IFNAR1: variants seen among roughly 807,000 people sequenced by gnomAD.
The protein encoded by IFNAR1 is interferon alpha/beta receptor 1.
In IFNAR1, 47 loss-of-function variants were observed where a neutral mutation model predicts 62.1. The ratio of observed to expected loss-of-function variants is 0.76; its 90% CI spans 0.60 to 0.97. The LOEUF (loss-of-function observed/expected upper bound fraction) is 0.97. Among genes scored for constraint, IFNAR1 ranks in the 50% least tolerant of loss-of-function variants. The pLI, the probability that IFNAR1 is intolerant of heterozygous loss-of-function variation, is 0.00. For synonymous variants in IFNAR1, 219 were observed against 226.9 expected (o/e 0.97, Z 0.31); for missense variants, 638 against 654.5 (o/e 0.97, Z 0.27).
intron 1 of IFNAR1, among the ~76,000 whole-genome samples, chr21:33,332,780 A>G (rs1006668598): frequency 6.6e-6 from 1 of 152,236 alleles, no homozygotes; most frequent in Non-Finnish European, 1.5e-5. Context: ...AGAAGAAAGA[A>G]TCTCTGAACT....
chr21:33,344,765 C>T (rs80084584), intron 5 of IFNAR1, among the ~76,000 whole-genome samples: 16 of 122,112 alleles, frequency 1.3e-4, no homozygotes, highest in Middle Eastern at 4.1e-3. Flanking sequence ...TTCTTTTTTA[C>T]TTATTTATTT....
chr21:33,359,196 G>A lies in IFNAR1; in HGVS notation c.*3647G>A, dbSNP rs1216245657. The A allele has an allele frequency of 1.3e-5, 2 of 152,154 alleles. No homozygotes were observed. Among genetic ancestry groups the A allele is most frequent in the African/African-American group, 4.8e-5 (2 of 41,444 alleles). 9.4% of individuals were successfully genotyped at this position (152,154 alleles called of 1,614,324 possible). On this transcript the variant is annotated 3_prime_UTR_variant, in exon 11 of 11. Transcript: ENST00000270139. Reference sequence around the variant, plus strand: ...TACTGAATTGTAGAAGGACATAACCGTGTTTTCAGTGTTTCTATGGAACAA... The same window carrying A: ...TACTGAATTGTAGAAGGACATAACCATGTTTTCAGTGTTTCTATGGAACAA...
intron 1 of IFNAR1, among the ~76,000 whole-genome samples, chr21:33,334,118 G>A (rs528010885): frequency 1.3e-5 from 2 of 152,182 alleles, no homozygotes; most frequent in East Asian, 3.9e-4. Context: ...GACCAATTCA[G>A]CAAGAGGATA....
At chr21:33,351,555 T>TA (rs892553946) in intron 8 of IFNAR1, among the ~76,000 whole-genome samples, 18 of 149,354 alleles carry the variant, frequency 1.2e-4, no homozygotes, top group African/African-American at 4.0e-4. Flanking sequence ...TTATTTTATT[T>TA]TTTTTTTTTT....
At chr21:33,355,233 G>A (rs2083435821) in intron 10 of IFNAR1, 83 bp from the exon 11 acceptor site, 2 of 711,906 alleles carry the variant, frequency 2.8e-6, no homozygotes, top group Non-Finnish European at 4.6e-6. Context: ...ATGGATGTAA[G>A]AAACTAAAGC....
At position 33,343,388 on chromosome 21, in the gene IFNAR1, GC is replaced by G. The variant is rs2083312903; in HGVS notation, c.498del (p.Leu167Ter). On this transcript the variant is annotated frameshift_variant, in exon 4 of 11. Coordinates refer to ENST00000270139, the MANE Select transcript of IFNAR1 (RefSeq NM_000629.3). LOFTEE classifies it high-confidence loss of function. ...WALDGLSFTY[S>X]LVIWKNSSGV... Reference sequence around the variant, plus strand: ...TTGGATGGTTTAAGCTTTACATATAGCTTAGTTATCTGGAAAAACTCTTCAG... The same window carrying G: ...TTGGATGGTTTAAGCTTTACATATAGTTAGTTATCTGGAAAAACTCTTCAG... 1.9e-6 allele frequency: 3 copies of G among 1,612,952 alleles called. No homozygotes were observed. The Admixed American group carries it at 5.0e-5, about 27-fold the overall frequency.
chr21:33,324,731 C>A, upstream of IFNAR1: 1 of 393,708 alleles, frequency 2.5e-6, no homozygotes, highest in South Asian at 3.5e-5. Flanking sequence ...GGCCATAGGC[C>A]GGAAAGAGTG....
At chr21:33,337,740 A>C (rs1332789886) in intron 2 of IFNAR1, among the ~76,000 whole-genome samples, 1 of 152,256 alleles carries the variant, frequency 6.6e-6, no homozygotes, top group East Asian at 1.9e-4. Context: ...CACATTGTGT[A>C]TACATACATA....
chr21:33,342,688 C>CA (rs757422966), intron 3 of IFNAR1, among the ~76,000 whole-genome samples: 30,148 of 93,492 alleles, frequency 0.32, 3,974 homozygotes, highest in East Asian at 0.46. Context: ...ACTAAAAATA[C>CA]AAAAAAAAAA....
intron 10 of IFNAR1, among the ~76,000 whole-genome samples, chr21:33,354,790 C>A (rs930856583): frequency 4.6e-5 from 7 of 152,078 alleles, no homozygotes; most frequent in Non-Finnish European, 1.0e-4. Flanking sequence ...ACCATAAGAA[C>A]CTTACCACTC....
At chr21:33,341,477 T>A (rs920549724) in intron 3 of IFNAR1, among the ~76,000 whole-genome samples, 1 of 152,122 alleles carries the variant, frequency 6.6e-6, no homozygotes, top group Admixed American at 6.6e-5. Flanking sequence ...CACAGTGGAG[T>A]TTTCCAGAGG....
At chr21:33,341,211 T>C in intron 3 of IFNAR1, 37 bp downstream of exon 3, 1 of 1,505,214 alleles carries the variant, frequency 6.6e-7, no homozygotes, top group East Asian at 2.3e-5. Flanking sequence ...TATTCTTTAG[T>C]AAATATTACC....
chr21:33,352,999 T>C, intron 9 of IFNAR1, 91 bp downstream of exon 9: 2 of 810,702 alleles, frequency 2.5e-6, no homozygotes, highest in Admixed American at 6.1e-5. Context: ...AAACATTTTC[T>C]CTTTACTGCA....
At chr21:33,332,342 C>T (rs2083189194) in intron 1 of IFNAR1, among the ~76,000 whole-genome samples, 1 of 152,178 alleles carries the variant, frequency 6.6e-6, no homozygotes, top group African/African-American at 2.4e-5. Context: ...AGGAAACAGT[C>T]ACCACACCCT....
chr21:33,340,957 A>C (rs1225262788), intron 2 of IFNAR1, 42 bp from the exon 3 acceptor site: 3 of 1,253,162 alleles, frequency 2.4e-6, no homozygotes, highest in African/African-American at 1.5e-5. Context: ...ACTTACATTT[A>C]TACATTTGCT....
chr21:33,335,128 C>A, intron 1 of IFNAR1: 3 of 672,018 alleles, frequency 4.5e-6, no homozygotes, highest in South Asian at 3.1e-5. Context: ...CATTGTAAGT[C>A]AAGAAGCATC....
rs990030810 is a variant in IFNAR1 at position 33,338,392 on chromosome 21, G to A, written c.201-2607G>A. On this transcript the variant is annotated intron_variant, in intron 2 of 10. Coordinates refer to ENST00000270139, the MANE Select transcript of IFNAR1 (RefSeq NM_000629.3). ...TACTAAAAATACAAAAACTTCAGCC[G>A]GATGTGGTGGTGCGTGCTGTAATCC... 3.6e-4 allele frequency among the ~76,000 whole-genome samples: 33 copies of A among 90,668 alleles called. No individual in the cohort carries two copies. The Middle Eastern group carries it at 0.019, about 51-fold the overall frequency. 59.5% of individuals were successfully genotyped at this position (90,668 alleles called of 152,430 possible). A position where few individuals can be genotyped will look rare whatever the true frequency, so the allele number is the denominator to read the frequency against.
intron 2 of IFNAR1, among the ~76,000 whole-genome samples, chr21:33,336,611 G>T (rs2083238877): frequency 6.6e-6 from 1 of 152,162 alleles, no homozygotes; most frequent in African/African-American, 2.4e-5. Flanking sequence ...GTTGGGGTCT[G>T]AGCTAGGGTA....
At chr21:33,337,561 G>T (rs1381655850) in intron 2 of IFNAR1, among the ~76,000 whole-genome samples, 1 of 152,054 alleles carries the variant, frequency 6.6e-6, no homozygotes, top group African/African-American at 2.4e-5. Flanking sequence ...ACTAAAACTG[G>T]CATATGAATC....
Sources: gnomAD v4.1 joint callset for allele counts (sites outside exome capture counted in the v4.1 genomes callset) on GRCh38, gnomAD v4.1.1 for gene constraint, MANE v1.5 for transcripts, NCBI Gene and HGNC (gene_info 2026-07-23, HGNC 2026-07-21) for gene names.